The following MYEF2 variants were observed in gnomAD, a reference collection of about 807,000 sequenced individuals.
The protein encoded by MYEF2 is myelin gene expression factor 2.
In MYEF2, 37 loss-of-function variants were observed where a neutral mutation model predicts 75.2. The observed-to-expected ratio is 0.49, with a 90% confidence interval of 0.38 to 0.65. The LOEUF is 0.65. MYEF2 is among the 30% of genes least tolerant of loss of function. MYEF2 has a pLI of 0.00. For missense variants in MYEF2, 634 were observed against 771.4 expected (o/e 0.82, Z 2.11); for synonymous variants, 195 against 241.6 (o/e 0.81, Z 1.79).
At chr15:48,177,338 A>G (rs2040569749) in intron 1 of MYEF2, among the ~76,000 whole-genome samples, 1 of 148,900 alleles carries the variant, frequency 6.7e-6, no homozygotes, top group African/African-American at 2.5e-5. Flanking sequence ...TTCATTTGGG[A>G]AAAAAAAAAT....
chr15:48,165,462 AGTT>A, intron 5 of MYEF2, among the ~76,000 whole-genome samples: 1 of 152,078 alleles, frequency 6.6e-6, no homozygotes, highest in Non-Finnish European at 1.5e-5. Flanking sequence ...TCACTAACAA[AGTT>A]ATAATTTTTC....
At chr15:48,156,412 T>C (rs1482986408) in intron 9 of MYEF2, among the ~76,000 whole-genome samples, 2 of 151,082 alleles carry the variant, frequency 1.3e-5, no homozygotes, top group Admixed American at 6.6e-5. Flanking sequence ...GAAACATAGA[T>C]GTAGCAAAAA....
At chr15:48,175,162 G>C (rs2040472932) in intron 1 of MYEF2, among the ~76,000 whole-genome samples, 2 of 152,068 alleles carry the variant, frequency 1.3e-5, no homozygotes, top group Admixed American at 1.3e-4. Flanking sequence ...CTTGCCATTT[G>C]CAACAACAGA....
At position 48,136,906 on chromosome 15, in the gene MYEF2, G is replaced by T; in HGVS notation, c.*6002C>A. 1.2e-6 allele frequency: 2 copies of T among 1,613,828 alleles called. No individual in the cohort carries two copies. Among genetic ancestry groups the T allele is most frequent in the Non-Finnish European group, 1.7e-6 (2 of 1,179,780 alleles). ...AACTGATAGTGGAATATTTTATGAA[G>T]ATTCTGGCTACTCTCAGCTCTCTAT... On this transcript the variant is annotated 3_prime_UTR_variant, in exon 17 of 17. Coordinates refer to ENST00000324324, the MANE Select transcript of MYEF2 (RefSeq NM_016132.5).
At chr15:48,167,092 C>T (rs2040159411) in intron 3 of MYEF2, among the ~76,000 whole-genome samples, 1 of 151,940 alleles carries the variant, frequency 6.6e-6, no homozygotes, top group Non-Finnish European at 1.5e-5. Flanking sequence ...ATGCTAAAAT[C>T]TTATTGGCTA....
rs951514013 is a variant in MYEF2, at chr15:48,140,490, T to C, written c.*2418A>G. ...CTCTGGTTCTGTTTCTGAGAATAAA[T>C]ACATTTCTGAAAAATGTTGACCTGA... On this transcript the variant is annotated 3_prime_UTR_variant, in exon 17 of 17. Transcript: ENST00000324324. 1 of 152,160 alleles carries C rather than the reference T, an allele frequency of 6.6e-6. No individual in the cohort carries two copies. Among genetic ancestry groups the C allele is most frequent in the Non-Finnish European group, 1.5e-5 (1 of 68,024 alleles). 9.4% of individuals were successfully genotyped at this position (152,160 alleles called of 1,614,324 possible).
At chr15:48,175,484 G>C (rs1597366098) in intron 1 of MYEF2, among the ~76,000 whole-genome samples, 1 of 152,122 alleles carries the variant, frequency 6.6e-6, no homozygotes, top group East Asian at 1.9e-4. Flanking sequence ...AAATATGGTA[G>C]CTATGCGAGG....
rs2140739466 is a variant in MYEF2, at chr15:48,136,473, AAC to A, written c.*6433_*6434del. The A allele has an allele frequency of 2.5e-6, 1 of 395,984 alleles. No homozygotes were observed. Among genetic ancestry groups the A allele is most frequent in the Admixed American group, 4.5e-5 (1 of 22,302 alleles). The allele number at this position is 395,984 out of a possible 1,614,324, so 24.5% of individuals were successfully genotyped here. ...TTGATCTTGTTTTTAAAAAAAAAAA[AAC>A]AACACAGAAGTGTCCAGCTTTTATC... is the stretch of plus-strand genomic sequence containing the variant. On this transcript the variant is annotated 3_prime_UTR_variant, in exon 17 of 17. Coordinates refer to ENST00000324324, the MANE Select transcript of MYEF2 (RefSeq NM_016132.5).
intron 1 of MYEF2, 96 bp downstream of exon 1, chr15:48,177,981 G>A: frequency 6.8e-7 from 1 of 1,465,702 alleles, no homozygotes; most frequent in South Asian, 1.3e-5. Flanking sequence ...GGGTCTGGGG[G>A]TGGTTGTCCC....
chr15:48,168,907 T>C (rs1316641522), intron 1 of MYEF2, 68 bp from the exon 2 acceptor site: 3 of 1,188,190 alleles, frequency 2.5e-6, no homozygotes, highest in African/African-American at 3.1e-5. Context: ...AAGTCTATAT[T>C]AAATAAGTAT....
intron 5 of MYEF2, among the ~76,000 whole-genome samples, chr15:48,164,740 G>A (rs1014488305): frequency 4.6e-5 from 7 of 152,122 alleles, no homozygotes; most frequent in African/African-American, 1.7e-4. Context: ...TCAGCACTGA[G>A]GCAAGACTCT....
rs1369903555 is a variant in MYEF2 at position 48,136,732 on chromosome 15, C to T, written c.*6176G>A. 1 of 1,613,142 alleles carries T rather than the reference C, an allele frequency of 6.2e-7. No homozygotes were observed. The highest frequency in any genetic ancestry group is 2.2e-5 in the East Asian group (1 of 44,872). Reference sequence around the variant, plus strand: ...GATATATGGATTGTATGTTTTGGTGCTGTGTTTTGACATTAAAATTAACCA... The same window carrying T: ...GATATATGGATTGTATGTTTTGGTGTTGTGTTTTGACATTAAAATTAACCA... On this transcript the variant is annotated 3_prime_UTR_variant, in exon 17 of 17. Coordinates refer to ENST00000324324, the MANE Select transcript of MYEF2 (RefSeq NM_016132.5).
intron 10 of MYEF2, 56 bp from the exon 11 acceptor site, chr15:48,152,340 G>C (rs1013136360): frequency 4.5e-5 from 65 of 1,450,836 alleles, no homozygotes; most frequent in Non-Finnish European, 5.7e-5. Context: ...ATGACTAAAA[G>C]ATGATATAAT....
In MYEF2 at chr15:48,137,941, C is replaced by G. The variant is rs1052511408; in HGVS notation, c.*4967G>C. On this transcript the variant is annotated 3_prime_UTR_variant, in exon 17 of 17. Transcript: ENST00000324324. ...CTTTTTATAAAGTGGTTGTCCAAAA[C>G]AGATTCTAAATTTAATTAAGCCTTT... is the stretch of plus-strand genomic sequence containing the variant. 2 of 152,036 alleles carry G rather than the reference C, an allele frequency of 1.3e-5. No individual in the cohort carries two copies. The highest frequency in any genetic ancestry group is 1.5e-5 in the Non-Finnish European group (1 of 67,954). 9.4% of individuals were successfully genotyped at this position (152,036 alleles called of 1,614,324 possible).
At chr15:48,153,192 T>A (rs1162452165) in intron 10 of MYEF2, 1 of 152,162 alleles carries the variant, frequency 6.6e-6, no homozygotes, top group African/African-American at 2.4e-5. Context: ...TTCTTAAAAC[T>A]TTTATGTATG....
At chr15:48,170,724 T>C (rs755986786) in intron 1 of MYEF2, among the ~76,000 whole-genome samples, 1 of 152,200 alleles carries the variant, frequency 6.6e-6, no homozygotes, top group Non-Finnish European at 1.5e-5. Flanking sequence ...TCTTGAACAC[T>C]ACTCTTCTTT....
chr15:48,160,823 C>T (rs1043278891), intron 5 of MYEF2, among the ~76,000 whole-genome samples: 3 of 151,818 alleles, frequency 2.0e-5, no homozygotes, highest in Non-Finnish European at 4.4e-5. Context: ...AATAATAAAA[C>T]CATTCTGGCT....
rs776987020 is a variant in MYEF2 at position 48,140,735 on chromosome 15, TCTGA to T, written c.*2169_*2172del. The T allele has an allele frequency of 1.7e-4, 33 of 193,204 alleles. No individual in the cohort carries two copies. The highest frequency in any genetic ancestry group is 3.8e-4 in the African/African-American group (16 of 42,296). 12.0% of individuals were successfully genotyped at this position (193,204 alleles called of 1,614,324 possible). A position where few individuals can be genotyped will look rare whatever the true frequency, so the allele number is the denominator to read the frequency against. The stretch of plus-strand genomic sequence containing the variant: ...GATAGCTATAATTAATTTGCTTAAC[TCTGA>T]CTAATATTTTTAAGAAAGAAAAAGC... On this transcript the variant is annotated 3_prime_UTR_variant, in exon 17 of 17. Coordinates refer to ENST00000324324, the MANE Select transcript of MYEF2 (RefSeq NM_016132.5).
chr15:48,152,451 TG>T (rs1812558004), intron 10 of MYEF2, 167 bp from the exon 11 acceptor site: 2 of 534,152 alleles, frequency 3.7e-6, no homozygotes, highest in South Asian at 3.7e-5. Context: ...CCATAGCAGC[TG>T]TCTAATCATG....
Sources: gnomAD v4.1 joint callset for allele counts (sites outside exome capture counted in the v4.1 genomes callset) on GRCh38, gnomAD v4.1.1 for gene constraint, MANE v1.5 for transcripts, NCBI Gene and HGNC (gene_info 2026-07-23, HGNC 2026-07-21) for gene names.